Variants in ARK2N observed in about 807,000 individuals in gnomAD.
The protein encoded by ARK2N is protein ARK2N.
At chr18:46,225,530 C>T in the ARK2N span, among the ~76,000 whole-genome samples, 1 of 152,092 alleles carries the variant, frequency 6.6e-6, no homozygotes, top group African/African-American at 2.4e-5. Context: ...GCGATCTCGG[C>T]CCACTGCAAA....
chr18:46,211,217 T>A, the ARK2N span, among the ~76,000 whole-genome samples: 1 of 152,130 alleles, frequency 6.6e-6, no homozygotes, highest in Non-Finnish European at 1.5e-5. Context: ...TACTTTTGTT[T>A]TTATTTTTTG....
the ARK2N span, among the ~76,000 whole-genome samples, chr18:46,198,135 C>G: frequency 2.0e-5 from 3 of 151,878 alleles, no homozygotes; most frequent in Admixed American, 6.6e-5. Flanking sequence ...AACACTGTCT[C>G]TACTAAAAAT....
the ARK2N span, among the ~76,000 whole-genome samples, chr18:46,251,989 T>C: frequency 1.0e-2 from 1,514 of 152,104 alleles, 26 homozygotes; most frequent in African/African-American, 0.034. Context: ...GGCCAGGAGT[T>C]TGAGACCAGC....
At chr18:46,233,099 T>C in the ARK2N span, among the ~76,000 whole-genome samples, 2 of 152,302 alleles carry the variant, frequency 1.3e-5, no homozygotes, top group African/African-American at 4.8e-5. Flanking sequence ...AGATTATTTT[T>C]AGTTTTTTTG....
chr18:46,227,679 C>T, the ARK2N span, among the ~76,000 whole-genome samples: 1 of 152,114 alleles, frequency 6.6e-6, no homozygotes, highest in Admixed American at 6.5e-5. Context: ...CTCACTGCAA[C>T]TTCCGCCTCC....
chr18:46,181,486 C>CA, the ARK2N span, among the ~76,000 whole-genome samples: 43 of 151,664 alleles, frequency 2.8e-4, no homozygotes, highest in African/African-American at 1.0e-3. Context: ...GAGGCTGAGG[C>CA]GGCGGATCAT....
At chr18:46,230,097 G>A in the ARK2N span, among the ~76,000 whole-genome samples, 1 of 151,602 alleles carries the variant, frequency 6.6e-6, no homozygotes, top group Non-Finnish European at 1.5e-5. Context: ...GCTAATTTTT[G>A]TATTTTTAGT....
At chr18:46,230,029 G>A in the ARK2N span, among the ~76,000 whole-genome samples, 1 of 152,022 alleles carries the variant, frequency 6.6e-6, no homozygotes, top group African/African-American at 2.4e-5. Context: ...GGGTTCAAGC[G>A]ATTCTCCTGC....
At chr18:46,183,080 T>TA in the ARK2N span, among the ~76,000 whole-genome samples, 59 of 141,118 alleles carry the variant, frequency 4.2e-4, no homozygotes, top group Middle Eastern at 3.8e-3. Context: ...CTTACCACAC[T>TA]AAAAAAAAAA....
At chr18:46,214,746 CTTTA>C in the ARK2N span, among the ~76,000 whole-genome samples, 1 of 152,104 alleles carries the variant, frequency 6.6e-6, no homozygotes, top group Non-Finnish European at 1.5e-5. Flanking sequence ...TCTTAAATCC[CTTTA>C]TTCATTCATA....
At chr18:46,239,968 A>G in the ARK2N span, 1 of 1,590,018 alleles carries the variant, frequency 6.3e-7, no homozygotes, top group Non-Finnish European at 8.6e-7. Context: ...TTCACCCCAC[A>G]CGTTAGATAC....
chr18:46,239,948 A>G, the ARK2N span: 4 of 1,527,776 alleles, frequency 2.6e-6, no homozygotes, highest in Non-Finnish European at 3.6e-6. Flanking sequence ...TACTAGTTTC[A>G]GAAGTATTTT....
the ARK2N span, chr18:46,216,359 C>G: frequency 1.2e-5 from 19 of 1,614,032 alleles, no homozygotes; most frequent in South Asian, 2.2e-5. This position sits in a 1 kb window ranked among gnomAD's most constrained non-coding sequence, Gnocchi z 4.3. Context: ...AACCGGCAAT[C>G]CAGTGATAAA....
the ARK2N span, among the ~76,000 whole-genome samples, chr18:46,184,581 G>T: frequency 6.6e-6 from 1 of 152,174 alleles, no homozygotes; most frequent in Non-Finnish European, 1.5e-5. Context: ...AATTAGCCTG[G>T]CTTGGTGGCA....
the ARK2N span, among the ~76,000 whole-genome samples, chr18:46,225,014 G>T: frequency 6.6e-6 from 1 of 152,232 alleles, no homozygotes. Context: ...GATAGGAACT[G>T]CACAGGCAGT....
At chr18:46,243,764 A>C in the ARK2N span, among the ~76,000 whole-genome samples, 2 of 152,230 alleles carry the variant, frequency 1.3e-5, no homozygotes, top group South Asian at 2.1e-4. Flanking sequence ...ATAAAGCCTC[A>C]GTTTTCCCTA....
chr18:46,229,919 TTTTG>T, the ARK2N span, among the ~76,000 whole-genome samples: 66 of 145,854 alleles, frequency 4.5e-4, no homozygotes, highest in African/African-American at 1.4e-3. Context: ...AAGTAGTGTT[TTTTG>T]TTTGTTTGTT....
At chr18:46,222,673 G>A in the ARK2N span, among the ~76,000 whole-genome samples, 1 of 152,178 alleles carries the variant, frequency 6.6e-6, no homozygotes, top group South Asian at 2.1e-4. Flanking sequence ...TGTTTAAGGT[G>A]AGAATGTGGT....
the ARK2N span, among the ~76,000 whole-genome samples, chr18:46,259,847 G>T: frequency 6.8e-6 from 1 of 147,186 alleles, no homozygotes; most frequent in East Asian, 2.0e-4. Context: ...TGGTGCCCAG[G>T]CTGGTGTCGA....
Sources: gnomAD v4.1 joint callset for allele counts (sites outside exome capture counted in the v4.1 genomes callset) on GRCh38, gnomAD v4.1.1 for gene constraint, Gnocchi (gnomAD v3.1) non-coding constraint, MANE v1.5 for transcripts, NCBI Gene and HGNC (gene_info 2026-07-23, HGNC 2026-07-21) for gene names.